The following ARHGEF4 variants were observed in gnomAD, a reference collection of about 807,000 sequenced individuals.
ARHGEF4 encodes Rho guanine nucleotide exchange factor 4.
In ARHGEF4, 119 loss-of-function variants were observed where a neutral mutation model predicts 162.0. The ratio of observed to expected loss-of-function variants is 0.73; its 90% CI spans 0.63 to 0.86. The LOEUF is 0.86. ARHGEF4 is among the 40% of genes least tolerant of loss of function. The probability of loss-of-function intolerance (pLI) is 0.00; values close to 1 mark genes in which losing one functional copy is unlikely to be tolerated. For synonymous variants in ARHGEF4, 1,014 were observed against 979.9 expected, an observed-to-expected ratio of 1.03 and a Z score of -0.65; for missense variants, 2,488 against 2,456.0, an observed-to-expected ratio of 1.01 and a Z score of -0.28.
chr2:130,836,945 G>A lies in ARHGEF4; in HGVS notation c.-9G>A. 8.2e-7 allele frequency: 1 copy of A among 1,225,584 alleles called. No individual in the cohort carries two copies. The highest frequency in any genetic ancestry group is 1.0e-6 in the Non-Finnish European group (1 of 983,936). 75.9% of individuals were successfully genotyped at this position (1,225,584 alleles called of 1,614,324 possible). ...CTGCGGCCGGGCTCCGGGCGTCCCGGCGGCCACCATGCTCAGCGTCGTGCA... is the reference window on the plus strand; with the variant it reads ...CTGCGGCCGGGCTCCGGGCGTCCCGACGGCCACCATGCTCAGCGTCGTGCA... On this transcript the variant is annotated 5_prime_UTR_variant, in exon 1 of 14. Coordinates refer to ENST00000409359, the MANE Select transcript of ARHGEF4 (RefSeq NM_001367493.1).
intron 1 of ARHGEF4, among the ~76,000 whole-genome samples, chr2:130,851,966 A>C (rs16856198): frequency 0.27 from 41,371 of 152,278 alleles, 7,676 homozygotes; most frequent in African/African-American, 0.5. Context: ...GACAATCAGA[A>C]TTGCCTCATG....
At chr2:131,003,874 G>A (rs1351754864) in intron 4 of ARHGEF4, among the ~76,000 whole-genome samples, 1 of 152,062 alleles carries the variant, frequency 6.6e-6, no homozygotes, top group Non-Finnish European at 1.5e-5. Flanking sequence ...ACTTAACTAG[G>A]GTAACTGGGT....
At chr2:131,020,544 G>A (rs1034619490) in intron 4 of ARHGEF4, among the ~76,000 whole-genome samples, 1 of 152,050 alleles carries the variant, frequency 6.6e-6, no homozygotes, top group African/African-American at 2.4e-5. Flanking sequence ...TGGATGCATA[G>A]TATTTCATGG....
intron 1 of ARHGEF4, among the ~76,000 whole-genome samples, chr2:130,850,342 G>A (rs1681316461): frequency 6.6e-6 from 1 of 152,220 alleles, no homozygotes; most frequent in Non-Finnish European, 1.5e-5. Context: ...ACACCATGGA[G>A]AGCTGTTGTT....
rs1261427652 is a variant in ARHGEF4, at chr2:130,916,975, C to T, written c.3029C>T (p.Ser1010Phe). Reference sequence around the variant, plus strand: ...GATCACTGGGCACCCCCACTTGCCTCCACACCTTTGTCCTCCAGTTTAGTT... The same window carrying T: ...GATCACTGGGCACCCCCACTTGCCTTCACACCTTTGTCCTCCAGTTTAGTT... ...FSDHWAPPLA[S>F]TPLSSSLVSP... is the part of the protein sequence containing the mutation. Residue 1010 changes from serine (S) to phenylalanine (F), a missense_variant, in exon 2 of 14, where the codon TCC becomes TTC. This residue lies in a region of ARHGEF4 where 1,642 missense variants were observed against 1,481.5 expected (regional missense o/e 1.11). Coordinates refer to ENST00000409359, the MANE Select transcript of ARHGEF4 (RefSeq NM_001367493.1). 4 of 1,550,838 alleles carry T rather than the reference C, an allele frequency of 2.6e-6. No individual in the cohort carries two copies. The highest frequency in any genetic ancestry group is 3.5e-6 in the Non-Finnish European group (4 of 1,147,088).
chr2:131,041,646 CTG>C (rs1177499921), intron 9 of ARHGEF4, 167 bp from the exon 10 acceptor site: 6 of 1,155,582 alleles, frequency 5.2e-6, no homozygotes, highest in Non-Finnish European at 1.2e-6. Context: ...AAGCTCTGCT[CTG>C]TGCTTGCCAT....
At position 131,027,850 on chromosome 2, in the gene ARHGEF4, T is replaced by G. The variant is rs1307513017; in HGVS notation, c.3986-95T>G. ...GCACGCTCCCCCTGCAGAAGAAGCA[T>G]TTGTCCTGAACCCACTGGGCTCCTT... On this transcript the variant is annotated intron_variant, in intron 4 of 13. Transcript: ENST00000409359. 3.4e-6 allele frequency: 5 copies of G among 1,454,632 alleles called. No individual in the cohort carries two copies. The African/African-American group carries it at 5.6e-5, about 16-fold the overall frequency. The allele number at this position is 1,454,632 out of a possible 1,614,324, so 90.1% of individuals were successfully genotyped here.
At chr2:130,853,172 C>A (rs1034555530) in intron 1 of ARHGEF4, among the ~76,000 whole-genome samples, 2 of 152,206 alleles carry the variant, frequency 1.3e-5, no homozygotes, top group Non-Finnish European at 2.9e-5. Flanking sequence ...CAAGGCCCAA[C>A]TTGGGGTCTG....
intron 1 of ARHGEF4, among the ~76,000 whole-genome samples, chr2:130,867,430 G>A (rs1682365906): frequency 6.6e-6 from 1 of 151,840 alleles, no homozygotes; most frequent in Non-Finnish European, 1.5e-5. Flanking sequence ...TAGAGAGGGG[G>A]TTTCACCATG....
chr2:130,953,748 G>T (rs1380430564), intron 4 of ARHGEF4, among the ~76,000 whole-genome samples: 1 of 152,210 alleles, frequency 6.6e-6, no homozygotes, highest in Non-Finnish European at 1.5e-5. Flanking sequence ...CAAAGGATAT[G>T]AACAGACACT....
rs1184456550 is a variant in ARHGEF4 at position 130,995,888 on chromosome 2, CTT to C, written c.3986-32040_3986-32039del. ...TGAAGTTATTAAAAGTATTATTCAC[CTT>C]TTTTTTTTTTTTTTTTGAGACAGAG... is the stretch of plus-strand genomic sequence containing the variant. On this transcript the variant is annotated intron_variant, in intron 4 of 13. Transcript: ENST00000409359. 6.7e-3 allele frequency among the ~76,000 whole-genome samples: 915 copies of C among 136,806 alleles called. 10 individuals are homozygous for C. The highest frequency in any genetic ancestry group is 0.023 in the African/African-American group (843 of 37,326). The allele number at this position is 136,806 out of a possible 152,430, so 89.8% of individuals were successfully genotyped here.
At position 130,915,469 on chromosome 2, in the gene ARHGEF4, C is replaced by A. The variant is rs750693097; in HGVS notation, c.1523C>A (p.Ser508Ter). The A allele has an allele frequency of 3.9e-6, 6 of 1,550,434 alleles. No individual in the cohort carries two copies. Among genetic ancestry groups the A allele is most frequent in the Non-Finnish European group, 5.2e-6 (6 of 1,147,008 alleles). Residue 508 changes from serine (S) to a stop codon, truncating the protein, a stop_gained, in exon 2 of 14, where the codon TCA becomes TAA. Coordinates refer to ENST00000409359, the MANE Select transcript of ARHGEF4 (RefSeq NM_001367493.1). LOFTEE classifies it high-confidence loss of function. ...QAGNQTSNYT[S>*]KYVLSEESKS... Reference sequence around the variant, plus strand: ...GGAAACCAAACCAGTAATTACACATCAAAGTATGTGCTCAGCGAGGAAAGC... The same window carrying A: ...GGAAACCAAACCAGTAATTACACATAAAAGTATGTGCTCAGCGAGGAAAGC...
intron 4 of ARHGEF4, among the ~76,000 whole-genome samples, chr2:130,951,399 A>G (rs1410415891): frequency 6.6e-6 from 1 of 152,182 alleles, no homozygotes; most frequent in Non-Finnish European, 1.5e-5. Flanking sequence ...CTTAAAGGCC[A>G]TTACTGGGTT....
chr2:130,939,351 T>C (rs977024600), intron 3 of ARHGEF4, among the ~76,000 whole-genome samples: 2 of 152,242 alleles, frequency 1.3e-5, no homozygotes, highest in African/African-American at 4.8e-5. Flanking sequence ...AAAAGAGTTA[T>C]TATTCCTCAC....
intron 4 of ARHGEF4, among the ~76,000 whole-genome samples, chr2:131,011,408 T>C (rs1688440958): frequency 6.6e-6 from 1 of 152,166 alleles, no homozygotes; most frequent in African/African-American, 2.4e-5. Flanking sequence ...TCTTAAAGTA[T>C]GCATTCATTT....
chr2:130,888,245 C>CG (rs36025338), intron 1 of ARHGEF4, among the ~76,000 whole-genome samples: 27,209 of 151,838 alleles, frequency 0.18, 2,974 homozygotes, highest in East Asian at 0.34. Flanking sequence ...GAGGCCAAGG[C>CG]GGGTGGATCA....
intron 1 of ARHGEF4, among the ~76,000 whole-genome samples, chr2:130,902,577 G>A (rs1156959230): frequency 6.6e-6 from 1 of 151,338 alleles, no homozygotes; most frequent in Non-Finnish European, 1.5e-5. Context: ...CTGAGCGACA[G>A]AGCGAGACTC....
intron 4 of ARHGEF4, among the ~76,000 whole-genome samples, chr2:131,013,991 T>C (rs1455196789): frequency 6.6e-6 from 1 of 152,224 alleles, no homozygotes; most frequent in Non-Finnish European, 1.5e-5. Flanking sequence ...GTAATGAAAA[T>C]TGTTAATCAT....
chr2:130,939,367 C>G (rs575900561), intron 3 of ARHGEF4, among the ~76,000 whole-genome samples: 1 of 152,230 alleles, frequency 6.6e-6, no homozygotes, highest in South Asian at 2.1e-4. Flanking sequence ...CTCACTGAAT[C>G]ACTTTTGCAC....
Sources: allele counts gnomAD v4.1 joint callset (sites outside exome capture counted in the v4.1 genomes callset), GRCh38; gene constraint gnomAD v4.1.1; regional missense constraint gnomAD v4.1.1; transcripts MANE v1.5; gene names NCBI Gene and HGNC (gene_info 2026-07-23, HGNC 2026-07-21).